Variants in NVL observed in about 807,000 individuals in gnomAD.
NVL encodes nuclear VCP like.
Under a neutral mutation model 110.2 loss-of-function variants are expected in NVL, and 84 were observed. The observed-to-expected ratio is 0.76, with a 90% CI of 0.64 to 0.91. The LOEUF (loss-of-function observed/expected upper bound fraction) is 0.91. NVL is among the 40% of genes least tolerant of loss of function. The pLI, the probability that NVL is intolerant of heterozygous loss-of-function variation, is 0.00. For synonymous variants in NVL, 354 were observed against 361.1 expected, an observed-to-expected ratio of 0.98 and a Z score of 0.22; for missense variants, 882 against 1,035.9, an observed-to-expected ratio of 0.85 and a Z score of 2.04.
At chr1:224,240,447 G>A (rs965787955) in intron 19 of NVL, among the ~76,000 whole-genome samples, 1 of 152,160 alleles carries the variant, frequency 6.6e-6, no homozygotes, top group Non-Finnish European at 1.5e-5. Flanking sequence ...TCCTGACCTT[G>A]TGATCTGCCC....
intron 9 of NVL, among the ~76,000 whole-genome samples, chr1:224,302,449 C>T (rs185646546): frequency 6.6e-6 from 1 of 152,280 alleles, no homozygotes; most frequent in East Asian, 1.9e-4. Context: ...GATCCACATG[C>T]CTCGGCCTCC....
intron 2 of NVL, among the ~76,000 whole-genome samples, chr1:224,322,450 T>C (rs562433345): frequency 6.6e-6 from 1 of 152,220 alleles, no homozygotes; most frequent in South Asian, 2.1e-4. Flanking sequence ...GTAGCCAAAG[T>C]GAGGTATACT....
chr1:224,316,200 A>T (rs1215819562), intron 4 of NVL, among the ~76,000 whole-genome samples: 1 of 152,126 alleles, frequency 6.6e-6, no homozygotes, highest in Non-Finnish European at 1.5e-5. Flanking sequence ...AAAACAGATA[A>T]ATAGATAAAA....
intron 16 of NVL, among the ~76,000 whole-genome samples, chr1:224,278,485 C>A (rs1665995989): frequency 6.6e-6 from 1 of 152,058 alleles, no homozygotes; most frequent in African/African-American, 2.4e-5. Context: ...CCCACCTTGG[C>A]CTCCCAAAGT....
intron 18 of NVL, among the ~76,000 whole-genome samples, chr1:224,256,652 T>C (rs1663293405): frequency 1.3e-5 from 2 of 152,220 alleles, no homozygotes. Flanking sequence ...GGACACTTTA[T>C]ATAAATTTTA....
intron 19 of NVL, among the ~76,000 whole-genome samples, chr1:224,239,571 C>T (rs1660923416): frequency 6.6e-6 from 1 of 152,166 alleles, no homozygotes; most frequent in Non-Finnish European, 1.5e-5. Context: ...CCTAAGGACA[C>T]TCCGCGTGCT....
At chr1:224,327,998 C>A (rs1671302670) in intron 1 of NVL, among the ~76,000 whole-genome samples, 1 of 152,030 alleles carries the variant, frequency 6.6e-6, no homozygotes, top group South Asian at 2.1e-4. Flanking sequence ...GCTTTTCAGA[C>A]TGGGTTTTAC....
chr1:224,259,517 G>T (rs1225379777), intron 18 of NVL, among the ~76,000 whole-genome samples: 2 of 152,082 alleles, frequency 1.3e-5, no homozygotes, highest in African/African-American at 2.4e-5. Context: ...TCTCAGTAAA[G>T]CTTTTTAAAA....
chr1:224,251,642 A>G (rs546686717), intron 18 of NVL, among the ~76,000 whole-genome samples: 7 of 152,310 alleles, frequency 4.6e-5, no homozygotes, highest in African/African-American at 1.4e-4. Flanking sequence ...TCTTGTCTCA[A>G]AAACAATAAC....
At chr1:224,327,241 G>A (rs2896992) in intron 1 of NVL, among the ~76,000 whole-genome samples, 139,143 of 152,146 alleles carry the variant, frequency 0.91, 63,911 homozygotes, top group Middle Eastern at 0.98. Flanking sequence ...CCAGGTGTTC[G>A]AGACCAGCCT....
intron 18 of NVL, among the ~76,000 whole-genome samples, chr1:224,260,987 T>C (rs1375058928): frequency 1.3e-5 from 2 of 152,190 alleles, no homozygotes; most frequent in Non-Finnish European, 2.9e-5. Flanking sequence ...GCGATTCTTC[T>C]GCCTCAGCCT....
chr1:224,312,628 T>C (rs908025024), intron 4 of NVL: 2 of 152,076 alleles, frequency 1.3e-5, no homozygotes, highest in African/African-American at 4.8e-5. Flanking sequence ...GAGACTAGCC[T>C]GGCCAACATG....
intron 15 of NVL, among the ~76,000 whole-genome samples, chr1:224,281,952 C>CA (rs528565412): frequency 0.011 from 632 of 58,384 alleles, 3 homozygotes; most frequent in South Asian, 0.038. Flanking sequence ...GACTCTGTCT[C>CA]AAAAAAAAAA....
chr1:224,238,942 C>T (rs1660843522), intron 19 of NVL, among the ~76,000 whole-genome samples: 1 of 152,180 alleles, frequency 6.6e-6, no homozygotes. Context: ...CTTTTATCTT[C>T]CCAAAGAAAA....
rs183090867 is a variant in NVL at position 224,293,551 on chromosome 1, C to T, written c.1325+716G>A. ...CAAACAGCTTTCAACTGTCTGGCTG[C>T]CATTTCATTACTGGTAACAGGACCT... On this transcript the variant is annotated intron_variant, in intron 12 of 22. Coordinates refer to ENST00000281701, the MANE Select transcript of NVL (RefSeq NM_002533.4). 3.6e-3 allele frequency among the ~76,000 whole-genome samples: 548 copies of T among 152,318 alleles called. 4 individuals are homozygous for T. Among genetic ancestry groups the T allele is most frequent in the African/African-American group, 0.012 (512 of 41,572 alleles).
chr1:224,231,400 A>G (rs1007522976), intron 21 of NVL, 104 bp from the exon 22 acceptor site: 37 of 810,790 alleles, frequency 4.6e-5, no homozygotes, highest in Non-Finnish European at 6.7e-5. Flanking sequence ...GGGTCCACTA[A>G]AGAGATCAGT....
intron 18 of NVL, among the ~76,000 whole-genome samples, chr1:224,266,096 A>G (rs1377284770): frequency 1.3e-5 from 2 of 152,244 alleles, no homozygotes; most frequent in Non-Finnish European, 2.9e-5. Flanking sequence ...ACTAACAGAT[A>G]TTAAGCCCAT....
intron 18 of NVL, among the ~76,000 whole-genome samples, chr1:224,260,299 C>T (rs1343153618): frequency 6.6e-6 from 1 of 152,184 alleles, no homozygotes; most frequent in Non-Finnish European, 1.5e-5. Context: ...CGGAGTCTTG[C>T]TCTGTCACCA....
chr1:224,235,765 C>CA (rs1660394405), intron 20 of NVL, among the ~76,000 whole-genome samples: 1 of 151,738 alleles, frequency 6.6e-6, no homozygotes, highest in African/African-American at 2.4e-5. Context: ...CCTAAAACTA[C>CA]AAAAATTTTT....
Sources: allele counts gnomAD v4.1 joint callset (sites outside exome capture counted in the v4.1 genomes callset), GRCh38; gene constraint gnomAD v4.1.1; transcripts MANE v1.5; gene names NCBI Gene and HGNC (gene_info 2026-07-23, HGNC 2026-07-21).